The following TOM1 variants were observed in gnomAD, a reference collection of about 807,000 sequenced individuals.
The protein encoded by TOM1 is target of myb1 membrane trafficking protein.
A neutral mutation model predicts 61.3 loss-of-function variants in TOM1; 38 were observed. That is an observed-to-expected ratio of 0.62 (90% CI 0.48 to 0.81). The LOEUF (loss-of-function observed/expected upper bound fraction) is 0.81. Among genes scored for constraint, TOM1 ranks in the 40% least tolerant of loss-of-function variants. The pLI is 0.00. For missense variants in TOM1, 591 were observed against 659.6 expected, an observed-to-expected ratio of 0.90 and a Z score of 1.14; for synonymous variants, 270 against 268.8, an observed-to-expected ratio of 1.00 and a Z score of -0.04.
In TOM1 at chr22:35,330,475, T is replaced by C; in HGVS notation, c.894T>C (p.His298=). 1.2e-6 allele frequency: 2 copies of C among 1,611,016 alleles called. No homozygotes were observed. The highest frequency in any genetic ancestry group is 8.5e-7 in the Non-Finnish European group (1 of 1,178,544). The stretch of plus-strand genomic sequence containing the variant: ...ATCTCAACAATGTGTTCCTGCGCCA[T>C]GAACGGTAGCCCCAGCACCTCCCCT... ...NDNLNNVFLR[H]ERFERFRTGQ... The change falls in exon 8 of 15, where the codon CAT becomes CAC. Residue 298 remains histidine (H), a synonymous_variant. Transcript: ENST00000449058.
intron 1 of TOM1, among the ~76,000 whole-genome samples, chr22:35,303,152 C>T (rs1012781311): frequency 1.1e-4 from 9 of 81,824 alleles, no homozygotes; most frequent in Non-Finnish European, 2.0e-4. Flanking sequence ...ACACACACCC[C>T]TTTGTGCTTG....
chr22:35,339,827 C>A (rs1322997747), intron 12 of TOM1, among the ~76,000 whole-genome samples: 2 of 147,686 alleles, frequency 1.4e-5, no homozygotes, highest in East Asian at 2.0e-4. Context: ...TGGCGTGAAC[C>A]CAGGAGGCGG....
intron 1 of TOM1, among the ~76,000 whole-genome samples, chr22:35,302,302 CT>C (rs965801547): frequency 8.0e-6 from 1 of 125,200 alleles, no homozygotes. Flanking sequence ...ATGTGAATTT[CT>C]TTTTTTTTCT....
chr22:35,328,255 G>A (rs1437407235), intron 7 of TOM1, among the ~76,000 whole-genome samples: 1 of 152,170 alleles, frequency 6.6e-6, no homozygotes, highest in Non-Finnish European at 1.5e-5. Flanking sequence ...CCCAGTAAGG[G>A]CTCCGAAAGA....
At chr22:35,324,204 G>A (rs1216171248) in intron 6 of TOM1, among the ~76,000 whole-genome samples, 2 of 152,152 alleles carry the variant, frequency 1.3e-5, no homozygotes, top group Non-Finnish European at 2.9e-5. Context: ...TTTCTGCGGG[G>A]CCCTCCAACA....
rs192966701 is a variant in TOM1 at position 35,315,975 on chromosome 22, G to A, written c.53-1902G>A. Among the ~76,000 whole-genome samples, 299 of 152,352 alleles carry A rather than the reference G, an allele frequency of 2.0e-3. 2 individuals are homozygous for A. The highest frequency in any genetic ancestry group is 6.9e-3 in the African/African-American group (289 of 41,588). ...AAGAGTCACCCACCCTCCCCGAGCC[G>A]GGGCACAGCCGTGAGGAGAGAGCCT... On this transcript the variant is annotated intron_variant, in intron 1 of 14. Coordinates refer to ENST00000449058, the MANE Select transcript of TOM1 (RefSeq NM_005488.3).
At chr22:35,321,365 T>G (rs1020698601) in intron 2 of TOM1, among the ~76,000 whole-genome samples, 1 of 151,716 alleles carries the variant, frequency 6.6e-6, no homozygotes, top group Non-Finnish European at 1.5e-5. Context: ...ATGTCCTTTG[T>G]TTTTTTGAGA....
chr22:35,334,680 C>G (rs1283303728), intron 11 of TOM1, among the ~76,000 whole-genome samples: 1 of 152,194 alleles, frequency 6.6e-6, no homozygotes, highest in East Asian at 1.9e-4. Context: ...TAATGACCCA[C>G]TGTATGCCAG....
At position 35,323,903 on chromosome 22, in the gene TOM1, A is replaced by C; in HGVS notation, c.637A>C (p.Thr213Pro). 1 of 1,563,146 alleles carries C rather than the reference A, an allele frequency of 6.4e-7. No individual in the cohort carries two copies. Among genetic ancestry groups the C allele is most frequent in the Middle Eastern group, 1.7e-4 (1 of 5,822 alleles). Residue 213 changes from threonine to proline, a missense_variant, in exon 6 of 15, where the codon ACC becomes CCC. Thr to Pro is a conservative substitution (Grantham distance 38, BLOSUM62 -1). Transcript: ENST00000449058. This position sits in a 1 kb window ranked among gnomAD's most constrained non-coding sequence, Gnocchi z 4.2. ...ILSGDTPIAPTPEQIGKLRSE... is the reference protein window; with the variant it reads ...ILSGDTPIAPPPEQIGKLRSE... ...CTCCGGTGACACGCCCATAGCACCA[A>C]CCCCGGAACAGGTAAACGAGCCTGG...
At chr22:35,326,609 A>G (rs1928329779) in intron 6 of TOM1, among the ~76,000 whole-genome samples, 1 of 152,222 alleles carries the variant, frequency 6.6e-6, no homozygotes, top group Non-Finnish European at 1.5e-5. Context: ...CCAGTCCACT[A>G]GGAGGAGAAA....
intron 1 of TOM1, among the ~76,000 whole-genome samples, chr22:35,303,348 C>T (rs912747561): frequency 4.6e-5 from 7 of 152,016 alleles, no homozygotes; most frequent in Admixed American, 1.3e-4. Context: ...TCTGAATCTC[C>T]GCTTCCTCCT....
chr22:35,312,644 G>A (rs1399098841), intron 1 of TOM1, among the ~76,000 whole-genome samples: 2 of 152,222 alleles, frequency 1.3e-5, no homozygotes, highest in Admixed American at 1.3e-4. Context: ...ACGGGTGACT[G>A]AGGGTGTGAC....
Position 35,345,775 on chromosome 22 carries a change from C to T in TOM1, c.1275C>T (p.Ser425=), listed in dbSNP as rs1930453347. Residue 425 remains serine, a synonymous_variant, in exon 13 of 15, where the codon TCC becomes TCT. Transcript: ENST00000449058. ...CLMEDIEQWL[S]TDVGNDAEEP... The stretch of plus-strand genomic sequence containing the variant: ...TGGAGGACATCGAGCAGTGGCTGTC[C>T]ACTGACGTGGTATGTTGGGGCCCAC... 1 of 1,614,078 alleles carries T rather than the reference C, an allele frequency of 6.2e-7. No homozygotes were observed. The highest frequency in any genetic ancestry group is 8.5e-7 in the Non-Finnish European group (1 of 1,180,018).
chr22:35,334,202 G>C, intron 10 of TOM1, 126 bp from the exon 11 acceptor site: 1 of 1,337,976 alleles, frequency 7.5e-7, no homozygotes, highest in East Asian at 2.4e-5. Flanking sequence ...CCTGCCTCGC[G>C]CATTCCCCCA....
At chr22:35,344,768 T>A (rs943461609) in intron 12 of TOM1, 9 of 152,158 alleles carry the variant, frequency 5.9e-5, no homozygotes, top group African/African-American at 2.2e-4. Flanking sequence ...CATTACTGAT[T>A]AATAGTAAAT....
chr22:35,345,790 T>C lies in TOM1; in HGVS notation c.1284+6T>C, dbSNP rs761314467. ...AGTGGCTGTCCACTGACGTGGTATG[T>C]TGGGGCCCACTCCTCACCCACACAG... On this transcript the variant is annotated splice_donor_region_variant and intron_variant, in intron 13 of 14. Coordinates refer to ENST00000449058, the MANE Select transcript of TOM1 (RefSeq NM_005488.3). 1.2e-6 allele frequency: 2 copies of C among 1,613,864 alleles called. No individual in the cohort carries two copies. Among genetic ancestry groups the C allele is most frequent in the Admixed American group, 3.3e-5 (2 of 60,032 alleles).
At position 35,323,507 on chromosome 22, in the gene TOM1, C is replaced by CG. The variant is rs748815065; in HGVS notation, c.379dup (p.Ala127GlyfsTer16). On this transcript the variant is annotated frameshift_variant, in exon 5 of 15. Transcript: ENST00000449058. LOFTEE classifies it high-confidence loss of function. The surrounding 1 kb of genome is among the most constrained non-coding windows in gnomAD (Gnocchi z 4.2). ...TTGTCCCCTCTCAGTCCTGGGCTGACGCGTTCCGCAGCTCGCCCGATCTGA... is the reference window on the plus strand; with the variant it reads ...TTGTCCCCTCTCAGTCCTGGGCTGACGGCGTTCCGCAGCTCGCCCGATCTGA... 1.2e-6 allele frequency: 2 copies of CG among 1,614,116 alleles called. No individual in the cohort carries two copies. Among genetic ancestry groups the CG allele is most frequent in the Non-Finnish European group, 1.7e-6 (2 of 1,180,016 alleles).
chr22:35,309,320 CCAA>C (rs1372041606), intron 1 of TOM1, among the ~76,000 whole-genome samples: 1 of 152,040 alleles, frequency 6.6e-6, no homozygotes, highest in Non-Finnish European at 1.5e-5. Context: ...TCCCATCCTC[CCAA>C]CTTTTCCATC....
chr22:35,305,935 A>G (rs1287826487), intron 1 of TOM1, among the ~76,000 whole-genome samples: 1 of 152,182 alleles, frequency 6.6e-6, no homozygotes, highest in Non-Finnish European at 1.5e-5. Context: ...AGCTTTTTCT[A>G]TAAAGGGCCA....
Sources: gnomAD v4.1 joint callset for allele counts (sites outside exome capture counted in the v4.1 genomes callset) on GRCh38, gnomAD v4.1.1 for gene constraint, Gnocchi (gnomAD v3.1) non-coding constraint, MANE v1.5 for transcripts, NCBI Gene and HGNC (gene_info 2026-07-23, HGNC 2026-07-21) for gene names.